The following PDE4B variants were observed in gnomAD, a reference collection of about 807,000 sequenced individuals.
PDE4B encodes phosphodiesterase 4B.
In PDE4B, 20 loss-of-function variants were observed where a neutral mutation model predicts 82.2. The ratio of observed to expected loss-of-function variants is 0.24; its 90% CI spans 0.17 to 0.35. The LOEUF (loss-of-function observed/expected upper bound fraction) is 0.35, where lower values mean the gene tolerates loss of function less well. Among genes scored for constraint, PDE4B ranks in the 10% least tolerant of loss-of-function variants. The pLI is 1.00. For synonymous variants in PDE4B, 320 were observed against 318.9 expected (o/e 1.00, Z -0.04); for missense variants, 655 against 907.2 (o/e 0.72, Z 3.57).
At chr1:65,872,881 C>A (rs1411330672) in intron 1 of PDE4B, among the ~76,000 whole-genome samples, 4 of 152,046 alleles carry the variant, frequency 2.6e-5, no homozygotes, top group African/African-American at 9.7e-5. Flanking sequence ...ATCATTTTTT[C>A]CCACTTTACT....
chr1:65,877,273 A>G (rs1646655825), intron 1 of PDE4B, among the ~76,000 whole-genome samples: 1 of 152,152 alleles, frequency 6.6e-6, no homozygotes, highest in Non-Finnish European at 1.5e-5. Context: ...CTCATCTTTG[A>G]CAAACTTTGA....
rs374227067 is a variant in PDE4B, at chr1:66,372,699, T to C, written c.*21T>C. 1.9e-6 allele frequency: 3 copies of C among 1,594,212 alleles called. No individual in the cohort carries two copies. The highest frequency in any genetic ancestry group is 1.3e-5 in the African/African-American group (1 of 74,484). On this transcript the variant is annotated 3_prime_UTR_variant, in exon 17 of 17. Transcript: ENST00000341517. ...CATAATCCCCCTCTCCCTGTGGAGATGAACATTCTATCCTTGATGAGCATG... is the reference window on the plus strand; with the variant it reads ...CATAATCCCCCTCTCCCTGTGGAGACGAACATTCTATCCTTGATGAGCATG...
intron 3 of PDE4B, among the ~76,000 whole-genome samples, chr1:65,977,589 A>G (rs927408164): frequency 6.6e-6 from 1 of 152,224 alleles, no homozygotes; most frequent in African/African-American, 2.4e-5. Context: ...TGCACTTTGT[A>G]ATAAAAAAAT....
At chr1:65,799,880 T>C (rs561055302) in intron 1 of PDE4B, among the ~76,000 whole-genome samples, 5 of 152,188 alleles carry the variant, frequency 3.3e-5, no homozygotes, top group African/African-American at 4.8e-5. Flanking sequence ...TTACAACATA[T>C]ATTAAGATTC....
intron 3 of PDE4B, among the ~76,000 whole-genome samples, chr1:65,973,969 T>G (rs1001859541): frequency 6.6e-6 from 1 of 152,078 alleles, no homozygotes; most frequent in Non-Finnish European, 1.5e-5. Context: ...CATGCCACCA[T>G]GCCCAGCTAA....
intron 3 of PDE4B, among the ~76,000 whole-genome samples, chr1:66,012,730 A>G (rs1652556138): frequency 6.6e-6 from 1 of 152,112 alleles, no homozygotes; most frequent in African/African-American, 2.4e-5. Context: ...ACAACTAGGA[A>G]TCTCCTTTTG....
In PDE4B at chr1:66,374,319, C is replaced by T. The variant is rs776113384; in HGVS notation, c.*1641C>T. Reference sequence around the variant, plus strand: ...GCCTCTTCTGATAACACTTGTTAGGCCTCTTACTGATGTCAGTTTCAGTTT... The same window carrying T: ...GCCTCTTCTGATAACACTTGTTAGGTCTCTTACTGATGTCAGTTTCAGTTT... On this transcript the variant is annotated 3_prime_UTR_variant, in exon 17 of 17. Coordinates refer to ENST00000341517, the MANE Select transcript of PDE4B (RefSeq NM_002600.4). The T allele has an allele frequency of 2.6e-5, 4 of 152,618 alleles. No homozygotes were observed. The highest frequency in any genetic ancestry group is 2.0e-4 in the Admixed American group (3 of 15,284). The allele number at this position is 152,618 out of a possible 1,614,324, so 9.5% of individuals were successfully genotyped here. A position where few individuals can be genotyped will look rare whatever the true frequency, so the allele number is the denominator to read the frequency against.
At chr1:66,203,060 C>G (rs1044137609) in intron 3 of PDE4B, among the ~76,000 whole-genome samples, 1 of 148,588 alleles carries the variant, frequency 6.7e-6, no homozygotes, top group Non-Finnish European at 1.5e-5. Context: ...CAAAATCTCT[C>G]AGCATTTGCT....
intron 3 of PDE4B, among the ~76,000 whole-genome samples, chr1:65,936,571 G>C (rs1648150672): frequency 9.9e-5 from 15 of 152,034 alleles, no homozygotes; most frequent in Admixed American, 9.8e-4. Context: ...TTAAATATTA[G>C]AGTGCGTCAG....
At chr1:65,810,245 CT>C (rs1645804016) in intron 1 of PDE4B, among the ~76,000 whole-genome samples, 1 of 152,146 alleles carries the variant, frequency 6.6e-6, no homozygotes, top group South Asian at 2.1e-4. Flanking sequence ...TTATTTTGAC[CT>C]AAGTACCTTT....
At chr1:65,880,548 G>C (rs1646697283) in intron 1 of PDE4B, among the ~76,000 whole-genome samples, 1 of 152,184 alleles carries the variant, frequency 6.6e-6, no homozygotes, top group Admixed American at 6.5e-5. Context: ...CAGCCCTTAT[G>C]CATGAGATTA....
chr1:65,900,153 G>A (rs1446776563), intron 1 of PDE4B, among the ~76,000 whole-genome samples: 1 of 151,942 alleles, frequency 6.6e-6, no homozygotes, highest in Non-Finnish European at 1.5e-5. Context: ...GAAATGTAGG[G>A]GTCCAGTTTC....
intron 1 of PDE4B, among the ~76,000 whole-genome samples, chr1:65,811,434 C>A (rs1323353103): frequency 6.6e-6 from 1 of 152,168 alleles, no homozygotes; most frequent in Admixed American, 6.5e-5. Context: ...CCCAGCTGTG[C>A]TTTGACAGAT....
intron 3 of PDE4B, among the ~76,000 whole-genome samples, chr1:66,083,336 C>G (rs2100967911): frequency 6.6e-6 from 1 of 152,236 alleles, no homozygotes; most frequent in South Asian, 2.1e-4. Flanking sequence ...CACTTCTCCT[C>G]ACAGTATAGC....
intron 1 of PDE4B, among the ~76,000 whole-genome samples, chr1:65,798,944 T>C (rs2101156718): frequency 6.6e-6 from 1 of 152,350 alleles, no homozygotes; most frequent in South Asian, 2.1e-4. Context: ...TGAAAAATAT[T>C]AGTACTTCTT....
Position 66,367,869 on chromosome 1 carries a change from T to C in PDE4B, c.1539+19T>C, listed in dbSNP as rs532365901. On this transcript the variant is annotated intron_variant, in intron 14 of 16. Coordinates refer to ENST00000341517, the MANE Select transcript of PDE4B (RefSeq NM_002600.4). ...TGACATGGTAAGACTTTAGCCTCTC[T>C]ACATTCCTCACTTACTGCCATTCTC... is the stretch of plus-strand genomic sequence containing the variant. 2.1e-5 allele frequency: 34 copies of C among 1,612,934 alleles called. No individual in the cohort carries two copies. In the Admixed American group the frequency reaches 3.8e-4, roughly 18 times the overall value.
intron 3 of PDE4B, among the ~76,000 whole-genome samples, chr1:66,074,678 A>C (rs564117007): frequency 2.3e-5 from 3 of 130,328 alleles, no homozygotes; most frequent in African/African-American, 8.8e-5. Context: ...TCTGCTTTCT[A>C]TTTCTCTCTA....
chr1:65,860,113 G>A (rs1352587444), intron 1 of PDE4B, among the ~76,000 whole-genome samples: 2 of 152,172 alleles, frequency 1.3e-5, no homozygotes, highest in Non-Finnish European at 1.5e-5. Flanking sequence ...CATTTGCCAT[G>A]GTGGTTTGCT....
chr1:66,191,389 CT>C (rs1166090963), intron 3 of PDE4B, among the ~76,000 whole-genome samples: 1 of 152,118 alleles, frequency 6.6e-6, no homozygotes, highest in Non-Finnish European at 1.5e-5. Context: ...GTTATTTCTC[CT>C]ATACATTCAC....
Sources: allele counts gnomAD v4.1 joint callset (sites outside exome capture counted in the v4.1 genomes callset), GRCh38; gene constraint gnomAD v4.1.1; transcripts MANE v1.5; gene names NCBI Gene and HGNC (gene_info 2026-07-23, HGNC 2026-07-21).